The following SEMA3C variants were observed in gnomAD, a reference collection of about 807,000 sequenced individuals.
SEMA3C encodes semaphorin 3C.
Under a neutral mutation model 89.4 loss-of-function variants are expected in SEMA3C, and 47 were observed. The observed-to-expected ratio is 0.53, with a 90% confidence interval of 0.42 to 0.67. The LOEUF (loss-of-function observed/expected upper bound fraction) is 0.67, where lower values mean the gene tolerates loss of function less well. Among genes scored for constraint, SEMA3C ranks in the 30% least tolerant of loss-of-function variants. The pLI, the probability that SEMA3C is intolerant of heterozygous loss-of-function variation, is 0.00. For synonymous variants in SEMA3C, 310 were observed against 320.2 expected (o/e 0.97, Z 0.34); for missense variants, 839 against 929.1 (o/e 0.90, Z 1.26).
chr7:80,794,289 C>G (rs1004715660), intron 11 of SEMA3C, among the ~76,000 whole-genome samples: 6 of 152,074 alleles, frequency 3.9e-5, no homozygotes, highest in Non-Finnish European at 7.4e-5. Flanking sequence ...CTTTTCAAAT[C>G]AGACTGTTTT....
intron 2 of SEMA3C, among the ~76,000 whole-genome samples, chr7:80,835,990 C>T (rs547431403): frequency 9.7e-4 from 147 of 152,300 alleles, no homozygotes; most frequent in Non-Finnish European, 1.0e-3. Context: ...TCTAATCAGA[C>T]TGACAACTTC....
intron 12 of SEMA3C, among the ~76,000 whole-genome samples, chr7:80,769,887 AAC>A (rs1788391420): frequency 6.6e-5 from 10 of 150,652 alleles, no homozygotes; most frequent in African/African-American, 2.5e-4. Context: ...AAAAAAAAAA[AAC>A]CACAATACAA....
intron 2 of SEMA3C, among the ~76,000 whole-genome samples, chr7:80,882,047 C>T (rs551144717): frequency 6.6e-6 from 1 of 152,140 alleles, no homozygotes. Flanking sequence ...AGTATTTGCG[C>T]ACACAAGAAG....
chr7:80,862,525 T>C (rs1790796872), intron 2 of SEMA3C, among the ~76,000 whole-genome samples: 2 of 151,966 alleles, frequency 1.3e-5, no homozygotes, highest in Admixed American at 1.3e-4. Flanking sequence ...CCAAAAGCAA[T>C]CTACAAATTC....
intron 2 of SEMA3C, among the ~76,000 whole-genome samples, chr7:80,845,965 G>T (rs1039988570): frequency 6.6e-6 from 1 of 152,098 alleles, no homozygotes; most frequent in Middle Eastern, 3.2e-3. Context: ...GAGAAGTCAT[G>T]CCTACTTTAA....
chr7:80,839,546 A>G (rs1790215103), intron 2 of SEMA3C, among the ~76,000 whole-genome samples: 1 of 152,200 alleles, frequency 6.6e-6, no homozygotes, highest in Non-Finnish European at 1.5e-5. Flanking sequence ...TTGTGTAAAA[A>G]TGTTAAGATA....
Position 80,918,860 on chromosome 7 carries a change from T to G in SEMA3C, c.-71A>C, listed in dbSNP as rs1281893634. Reference sequence around the variant, plus strand: ...GAAAGAAATCAGCACGGAAAAGTCATCAGTTTGCTACCGGGGTTGGATGCG... The same window carrying G: ...GAAAGAAATCAGCACGGAAAAGTCAGCAGTTTGCTACCGGGGTTGGATGCG... On this transcript the variant is annotated 5_prime_UTR_variant, in exon 1 of 18. An upstream start codon of the reference 5' UTR is lost. Transcript: ENST00000265361. 5 of 985,352 alleles carry G rather than the reference T, an allele frequency of 5.1e-6. No homozygotes were observed. The highest frequency in any genetic ancestry group is 6.0e-6 in the Non-Finnish European group (5 of 829,954). The allele number at this position is 985,352 out of a possible 1,614,324, so 61.0% of individuals were successfully genotyped here.
chr7:80,817,116 T>C (rs1789626083), intron 5 of SEMA3C, among the ~76,000 whole-genome samples: 1 of 152,184 alleles, frequency 6.6e-6, no homozygotes, highest in Non-Finnish European at 1.5e-5. Context: ...ACTTTACTTT[T>C]CCTGTAAGAA....
At chr7:80,834,657 A>C (rs1158554603) in intron 2 of SEMA3C, among the ~76,000 whole-genome samples, 2 of 152,168 alleles carry the variant, frequency 1.3e-5, no homozygotes, top group African/African-American at 4.8e-5. Flanking sequence ...AAAAATGTGA[A>C]CTTGATAAAG....
chr7:80,813,115 T>C (rs1399835757), intron 5 of SEMA3C, among the ~76,000 whole-genome samples: 1 of 151,976 alleles, frequency 6.6e-6, no homozygotes, highest in Non-Finnish European at 1.5e-5. Flanking sequence ...CCAGATTCCA[T>C]TTTTAATTTC....
intron 2 of SEMA3C, among the ~76,000 whole-genome samples, chr7:80,894,857 C>T (rs76868665): frequency 0.011 from 1,607 of 152,216 alleles, 24 homozygotes; most frequent in African/African-American, 0.036. Flanking sequence ...GATGGGGGAA[C>T]ACCATGGATG....
chr7:80,898,194 C>G (rs903429108), intron 2 of SEMA3C, among the ~76,000 whole-genome samples: 1 of 151,714 alleles, frequency 6.6e-6, no homozygotes, highest in Non-Finnish European at 1.5e-5. Flanking sequence ...CTGAACCCCG[C>G]GTGCCGACGA....
chr7:80,862,463 C>A (rs536360162), intron 2 of SEMA3C, among the ~76,000 whole-genome samples: 2 of 152,286 alleles, frequency 1.3e-5, no homozygotes, highest in African/African-American at 4.8e-5. Flanking sequence ...AATGGAAACA[C>A]ATCCCATGCT....
At chr7:80,840,472 T>C (rs1013228302) in intron 2 of SEMA3C, among the ~76,000 whole-genome samples, 2 of 144,246 alleles carry the variant, frequency 1.4e-5, no homozygotes, top group African/African-American at 2.6e-5. Context: ...CGAGCTGTGA[T>C]TGCACCACTG....
intron 12 of SEMA3C, among the ~76,000 whole-genome samples, chr7:80,782,421 A>G (rs940767506): frequency 2.6e-5 from 4 of 152,220 alleles, no homozygotes; most frequent in African/African-American, 9.6e-5. Flanking sequence ...GACTGTCAAC[A>G]CATCAGGGAT....
intron 2 of SEMA3C, among the ~76,000 whole-genome samples, chr7:80,903,824 C>G (rs189163893): frequency 1.3e-5 from 2 of 152,148 alleles, no homozygotes; most frequent in African/African-American, 4.8e-5. Context: ...ATGTAAAGAG[C>G]CAGAACCTGT....
At position 80,804,212 on chromosome 7, in the gene SEMA3C, C is replaced by T. The variant is rs749694680; in HGVS notation, c.695G>A (p.Gly232Asp). The T allele has an allele frequency of 1.9e-6, 3 of 1,610,012 alleles. No individual in the cohort carries two copies. The highest frequency in any genetic ancestry group is 1.6e-4 in the Middle Eastern group (1 of 6,070). ...CACCTTAGCATCATTTGGATCAGTA[C>T]CATCTGGGATGACATGTGCATCTAC... is the stretch of plus-strand genomic sequence containing the variant. ...MFVDAHVIPD[G>D]TDPNDAKVYF... The change falls in exon 8 of 18, where the codon GGT (glycine) becomes GAT (aspartate). Residue 232 changes from glycine (G) to aspartate (D), a missense_variant. Physicochemically the swap from Gly to Asp is moderately conservative, Grantham distance 94. Transcript: ENST00000265361.
At chr7:80,922,219 C>T, upstream of SEMA3C, 1 of 1,277,752 alleles carries the variant, frequency 7.8e-7, no homozygotes, top group Non-Finnish European at 1.0e-6. Context: ...AGCGTGATTG[C>T]CGTAATGTCT....
chr7:80,910,126 T>C (rs1792109366), intron 2 of SEMA3C, among the ~76,000 whole-genome samples: 1 of 152,186 alleles, frequency 6.6e-6, no homozygotes, highest in South Asian at 2.1e-4. Context: ...TCTCTTCTTA[T>C]ACCATTTTGT....
Sources: gnomAD v4.1 joint callset for allele counts (sites outside exome capture counted in the v4.1 genomes callset) on GRCh38, gnomAD v4.1.1 for gene constraint, MANE v1.5 for transcripts, NCBI Gene and HGNC (gene_info 2026-07-23, HGNC 2026-07-21) for gene names.